TSHZ3: variants seen among roughly 807,000 people sequenced by gnomAD.
TSHZ3 encodes the protein teashirt homolog 3.
TSHZ3 carries 10 observed loss-of-function variants against 64.5 expected under a neutral mutation model. The ratio of observed to expected loss-of-function variants is 0.16; its 90% CI spans 0.10 to 0.26. The LOEUF (loss-of-function observed/expected upper bound fraction) is 0.26, where lower values mean the gene tolerates loss of function less well. TSHZ3 is among the 10% of genes least tolerant of loss of function. TSHZ3 has a pLI of 1.00. For missense variants in TSHZ3, 1,242 were observed against 1,421.7 expected, an observed-to-expected ratio of 0.87 and a Z score of 2.03; for synonymous variants, 608 against 593.1, an observed-to-expected ratio of 1.03 and a Z score of -0.36.
In TSHZ3 at chr19:31,279,223, G is replaced by A; in HGVS notation, c.570C>T (p.Leu190=). The change falls in exon 2 of 2, where the codon CTC becomes CTT. Residue 190 remains leucine (L), a synonymous_variant. Coordinates refer to ENST00000240587, the MANE Select transcript of TSHZ3 (RefSeq NM_020856.4). The surrounding 1 kb of genome is among the most constrained non-coding windows in gnomAD (Gnocchi z 6.4). The part of the protein sequence containing the change: ...SQSRMLPEPS[L]FSTVQLYRQS... ...GCCGGTACAGCTGCACGGTGCTGAA[G>A]AGGCTGGGCTCCGGGAGCATGCGGC... is the stretch of plus-strand genomic sequence containing the variant. 2 of 1,614,202 alleles carry A rather than the reference G, an allele frequency of 1.2e-6. No individual in the cohort carries two copies. The highest frequency in any genetic ancestry group is 1.7e-6 in the Non-Finnish European group (2 of 1,180,036).
In TSHZ3 at chr19:31,338,858, G is replaced by T. The variant is rs1277793762; in HGVS notation, c.40+10322C>A. 3.4e-5 allele frequency among the ~76,000 whole-genome samples: 5 copies of T among 147,940 alleles called. No homozygotes were observed. The East Asian group carries it at 8.0e-4, about 24-fold the overall frequency. ...TTCTTTCTTTTTTCTTTTTTTTCCA[G>T]TGGGGGAGTCTTCTGTATTGCACAT... On this transcript the variant is annotated intron_variant, in intron 1 of 1. Coordinates refer to ENST00000240587, the MANE Select transcript of TSHZ3 (RefSeq NM_020856.4).
intron 4 of TSHZ3, among the ~76,000 whole-genome samples, chr19:31,222,373 TG>T (rs1181630084): frequency 6.6e-6 from 1 of 152,208 alleles, no homozygotes; most frequent in Admixed American, 6.5e-5. Flanking sequence ...TCAATATGCT[TG>T]AAGATATTTT....
At chr19:31,207,626 A>T (rs1478835773) in intron 4 of TSHZ3, 1 of 152,204 alleles carries the variant, frequency 6.6e-6, no homozygotes, top group Non-Finnish European at 1.5e-5. Flanking sequence ...TACAATGGAA[A>T]CTTGTAATAA....
intron 1 of TSHZ3, among the ~76,000 whole-genome samples, chr19:31,346,113 T>C (rs1455857208): frequency 6.6e-6 from 1 of 152,190 alleles, no homozygotes; most frequent in Admixed American, 6.5e-5. Flanking sequence ...GAAATATGTA[T>C]TTTCAGGGAT....
intron 1 of TSHZ3, among the ~76,000 whole-genome samples, chr19:31,330,395 G>A (rs556072835): frequency 3.9e-5 from 6 of 152,262 alleles, no homozygotes; most frequent in South Asian, 4.1e-4. Flanking sequence ...GGTGGCCTCC[G>A]GGCTGCTTGG....
intron 4 of TSHZ3, among the ~76,000 whole-genome samples, chr19:31,215,080 C>T (rs1423711618): frequency 1.3e-5 from 2 of 152,148 alleles, no homozygotes; most frequent in Non-Finnish European, 2.9e-5. Context: ...GTTGGCTATA[C>T]ATCTCCAGTG....
At chr19:31,306,517 G>A (rs948372745) in intron 1 of TSHZ3, among the ~76,000 whole-genome samples, 1 of 152,172 alleles carries the variant, frequency 6.6e-6, no homozygotes, top group Non-Finnish European at 1.5e-5. Flanking sequence ...GAGGGCACAC[G>A]TGCACGTGCG....
chr19:31,201,887 C>T (rs941974633), intron 5 of TSHZ3, among the ~76,000 whole-genome samples: 1 of 152,168 alleles, frequency 6.6e-6, no homozygotes, highest in African/African-American at 2.4e-5. Context: ...AAAGTCATGG[C>T]TGGGCGCAGT....
chr19:31,329,404 G>T (rs1917013131), intron 1 of TSHZ3, among the ~76,000 whole-genome samples: 1 of 152,170 alleles, frequency 6.6e-6, no homozygotes, highest in Non-Finnish European at 1.5e-5. Context: ...CCAGGCCACT[G>T]CAAGAACTTA....
intron 5 of TSHZ3, among the ~76,000 whole-genome samples, chr19:31,172,517 T>C (rs770566732): frequency 6.6e-6 from 1 of 152,200 alleles, no homozygotes; most frequent in Non-Finnish European, 1.5e-5. Context: ...AGGCAAGTGT[T>C]CCTTCAGTAA....
At chr19:31,236,499 G>T (rs1975617234) in intron 3 of TSHZ3, among the ~76,000 whole-genome samples, 1 of 152,070 alleles carries the variant, frequency 6.6e-6, no homozygotes, top group Non-Finnish European at 1.5e-5. Flanking sequence ...GGTCTTTATT[G>T]TTAAATTGTT....
intron 1 of TSHZ3, among the ~76,000 whole-genome samples, chr19:31,343,469 T>A (rs969730063): frequency 6.6e-6 from 1 of 152,186 alleles, no homozygotes; most frequent in Non-Finnish European, 1.5e-5. Flanking sequence ...ACTAAGTGCA[T>A]GTGCTAGAAA....
intron 1 of TSHZ3, among the ~76,000 whole-genome samples, chr19:31,259,974 G>A (rs1027680433): frequency 2.6e-5 from 4 of 152,072 alleles, no homozygotes; most frequent in Non-Finnish European, 2.9e-5. Context: ...AGAGAGGAAC[G>A]CTTCCAACTT....
chr19:31,213,003 G>A (rs1042166415), intron 4 of TSHZ3, among the ~76,000 whole-genome samples: 2 of 152,058 alleles, frequency 1.3e-5, no homozygotes, highest in African/African-American at 4.8e-5. Context: ...AGTGTGAAAA[G>A]GCTATATATG....
rs1599618956 is a variant in TSHZ3 at position 31,276,878 on chromosome 19, C to G, written c.2915G>C (p.Gly972Ala). Reference sequence around the variant, plus strand: ...ATCGTTACAAAAGAAGACGGGGTGGCCAGTGTCCAAGTTTTTGAGGAACTT... The same window carrying G: ...ATCGTTACAAAAGAAGACGGGGTGGGCAGTGTCCAAGTTTTTGAGGAACTT... ...GTKFLKNLDT[G>A]HPVFFCNDCA... The change falls in exon 2 of 2, where the codon GGC becomes GCC. Residue 972 changes from glycine to alanine, a missense_variant. Physicochemically the swap from Gly to Ala is moderately conservative, Grantham distance 60. Coordinates refer to ENST00000240587, the MANE Select transcript of TSHZ3 (RefSeq NM_020856.4). 1 of 1,614,196 alleles carries G rather than the reference C, an allele frequency of 6.2e-7. No individual in the cohort carries two copies. Among genetic ancestry groups the G allele is most frequent in the Non-Finnish European group, 8.5e-7 (1 of 1,180,044 alleles).
At chr19:31,165,665 C>A (rs997495406) in intron 5 of TSHZ3, among the ~76,000 whole-genome samples, 3 of 152,070 alleles carry the variant, frequency 2.0e-5, no homozygotes, top group Non-Finnish European at 4.4e-5. Context: ...CCGGGGAGAT[C>A]CAATATTGTA....
At chr19:31,300,367 G>A (rs1236185679) in intron 1 of TSHZ3, among the ~76,000 whole-genome samples, 1 of 152,202 alleles carries the variant, frequency 6.6e-6, no homozygotes, top group African/African-American at 2.4e-5. Flanking sequence ...TAACTTAACT[G>A]TATGCAGTTA....
At chr19:31,299,130 G>A (rs1976712584) in intron 1 of TSHZ3, among the ~76,000 whole-genome samples, 2 of 152,192 alleles carry the variant, frequency 1.3e-5, no homozygotes, top group Non-Finnish European at 2.9e-5. Context: ...CAAGGGCGGA[G>A]GTTGCAGTAA....
intron 5 of TSHZ3, among the ~76,000 whole-genome samples, chr19:31,181,695 G>C (rs1446749071): frequency 6.6e-6 from 1 of 152,130 alleles, no homozygotes; most frequent in African/African-American, 2.4e-5. Context: ...AATGCAACAA[G>C]GAAGAAAAAT....
Sources: gnomAD v4.1 joint callset for allele counts (sites outside exome capture counted in the v4.1 genomes callset) on GRCh38, gnomAD v4.1.1 for gene constraint, Gnocchi (gnomAD v3.1) non-coding constraint, MANE v1.5 for transcripts, NCBI Gene and HGNC (gene_info 2026-07-23, HGNC 2026-07-21) for gene names.